Variants in NUP153 observed in about 807,000 individuals in gnomAD.
NUP153 encodes the protein nuclear pore complex protein Nup153.
In NUP153, 27 loss-of-function variants were observed where a neutral mutation model predicts 134.6. The ratio of observed to expected loss-of-function variants is 0.20; its 90% confidence interval spans 0.15 to 0.28. The LOEUF (loss-of-function observed/expected upper bound fraction) is 0.28, where lower values mean the gene tolerates loss of function less well. Among genes scored for constraint, NUP153 ranks in the 10% least tolerant of loss-of-function variants. The probability of loss-of-function intolerance (pLI) is 1.00; values close to 1 mark genes in which losing one functional copy is unlikely to be tolerated. For synonymous variants in NUP153, 640 were observed against 623.5 expected (o/e 1.03, Z -0.40); for missense variants, 1,821 against 1,731.3 (o/e 1.05, Z -0.92).
chr6:17,654,830 T>C (rs1766715504), intron 11 of NUP153, among the ~76,000 whole-genome samples: 2 of 152,278 alleles, frequency 1.3e-5, no homozygotes, highest in South Asian at 2.1e-4. Flanking sequence ...ATGAGGTAGA[T>C]ACTATTGTTA....
chr6:17,659,618 A>G (rs1473071829), intron 11 of NUP153, among the ~76,000 whole-genome samples: 2 of 152,078 alleles, frequency 1.3e-5, no homozygotes, highest in African/African-American at 4.8e-5. Flanking sequence ...GACTACACAC[A>G]TACGCTATCA....
rs747290800 is a variant in NUP153 at position 17,675,644 on chromosome 6, G to A, written c.461C>T (p.Ser154Leu). 52 of 1,614,186 alleles carry A rather than the reference G, an allele frequency of 3.2e-5. No homozygotes were observed. The highest frequency in any genetic ancestry group is 1.2e-4 in the African/African-American group (9 of 75,038). ...TCCCGAACTGCCAATTGGGAATGCC[G>A]AGGATGTAGATGGCTGACAGTGTAA... ...PALHCQPSTS[S>L]AFPIGSSGFS... The change falls in exon 3 of 22, where the codon TCG (serine) becomes TTG (leucine). Residue 154 changes from serine (S) to leucine (L), a missense_variant. By Grantham distance (145) the Ser-to-Leu change is moderately radical. Transcript: ENST00000262077. The surrounding 1 kb of genome is among the most constrained non-coding windows in gnomAD (Gnocchi z 4.4).
At position 17,639,990 on chromosome 6, in the gene NUP153, G is replaced by A. The variant is rs889656957; in HGVS notation, c.1795C>T (p.Pro599Ser). The A allele has an allele frequency of 8.7e-6, 14 of 1,612,530 alleles. No homozygotes were observed. The highest frequency in any genetic ancestry group is 1.2e-5 in the Non-Finnish European group (14 of 1,178,910). The change falls in exon 15 of 22, where the codon CCT becomes TCT. Residue 599 changes from proline (P) to serine (S), a missense_variant. Physicochemically the swap from Pro to Ser is moderately conservative, Grantham distance 74 (BLOSUM62 -1). Coordinates refer to ENST00000262077, the MANE Select transcript of NUP153 (RefSeq NM_005124.4). ...CTTCCTTCTTTCAGGATTTCTGCAG[G>A]TCTAAAAGGACCCTCACAATCTTCA... ...PPEDCEGPFR[P>S]AEILKEGSVL...
intron 5 of NUP153, among the ~76,000 whole-genome samples, chr6:17,670,363 C>A (rs114474650): frequency 0.011 from 1,643 of 152,248 alleles, 32 homozygotes; most frequent in African/African-American, 0.036. Flanking sequence ...ATAAATACAA[C>A]AGACTTTTGT....
intron 20 of NUP153, among the ~76,000 whole-genome samples, chr6:17,620,095 C>CAAAAAAA (rs58013807): frequency 9.5e-5 from 6 of 62,994 alleles, no homozygotes; most frequent in African/African-American, 2.3e-4. Flanking sequence ...AAGACACCAT[C>CAAAAAAA]AAAAAAAAAA....
chr6:17,673,628 G>A (rs555621908), intron 5 of NUP153, among the ~76,000 whole-genome samples: 68 of 152,190 alleles, frequency 4.5e-4, no homozygotes, highest in African/African-American at 1.6e-3. Context: ...TAGTCATTAC[G>A]GAAGTACAAA....
intron 11 of NUP153, among the ~76,000 whole-genome samples, chr6:17,649,656 AC>A (rs1193840399): frequency 6.6e-6 from 1 of 152,224 alleles, no homozygotes; most frequent in Non-Finnish European, 1.5e-5. Context: ...CCCATGGTCA[AC>A]CATGATCCAA....
At position 17,694,245 on chromosome 6, in the gene NUP153, T is replaced by C. The variant is rs1181143775; in HGVS notation, c.112-5627A>G. Among the ~76,000 whole-genome samples, 4 of 152,344 alleles carry C rather than the reference T, an allele frequency of 2.6e-5. No homozygotes were observed. In the East Asian group the frequency reaches 5.8e-4, roughly 22 times the overall value. ...CAGCAAGTATTGATTGAATGAAGAA[T>C]AGTAATGTTTGCCTTTACCTCCATG... On this transcript the variant is annotated intron_variant, in intron 1 of 21. Transcript: ENST00000262077.
intron 16 of NUP153, among the ~76,000 whole-genome samples, chr6:17,635,733 A>G (rs1005961804): frequency 1.5e-4 from 23 of 152,138 alleles, no homozygotes; most frequent in Non-Finnish European, 1.5e-4. Flanking sequence ...TTCCTAATCT[A>G]TCTTCCGGTC....
In NUP153 at chr6:17,628,581, G is replaced by C. The variant is rs1456962982; in HGVS notation, c.3544+74C>G. 9 of 825,296 alleles carry C rather than the reference G, an allele frequency of 1.1e-5. No individual in the cohort carries two copies. Among genetic ancestry groups the C allele is most frequent in the South Asian group, 6.2e-5 (1 of 16,118 alleles). The allele number at this position is 825,296 out of a possible 1,614,324, so 51.1% of individuals were successfully genotyped here. ...AACCATTAATTGACTTGCTGCATCT[G>C]TCAAGGCAACTTGTAAAACGACAAC... On this transcript the variant is annotated intron_variant, in intron 18 of 21. Transcript: ENST00000262077. The surrounding 1 kb of genome is among the most constrained non-coding windows in gnomAD (Gnocchi z 5.4).
In NUP153 at chr6:17,628,942, T is replaced by G; in HGVS notation, c.3257A>C (p.Asn1086Thr). Reference sequence around the variant, plus strand: ...AGATGGCAGAGAGGCAGGCTCCACGTTGCCAAAAGAGAATCCTCCTTTGGT... The same window carrying G: ...AGATGGCAGAGAGGCAGGCTCCACGGTGCCAAAAGAGAATCCTCCTTTGGT... The part of the protein sequence containing the change: ...PATKGGFSFG[N>T]VEPASLPSAS... Residue 1086 changes from asparagine (N) to threonine (T), a missense_variant, in exon 18 of 22, where the codon AAC becomes ACC. Physicochemically the swap from Asn to Thr is moderately conservative, Grantham distance 65. Transcript: ENST00000262077. The surrounding 1 kb of genome is among the most constrained non-coding windows in gnomAD (Gnocchi z 5.4). 1 of 1,614,178 alleles carries G rather than the reference T, an allele frequency of 6.2e-7. No individual in the cohort carries two copies. The highest frequency in any genetic ancestry group is 8.5e-7 in the Non-Finnish European group (1 of 1,180,032).
At chr6:17,685,559 A>C (rs936673602) in intron 2 of NUP153, among the ~76,000 whole-genome samples, 3 of 151,974 alleles carry the variant, frequency 2.0e-5, no homozygotes, top group East Asian at 1.9e-4. Context: ...AAAAAAAAAA[A>C]AAAAAACTGT....
chr6:17,674,855 T>C, intron 5 of NUP153, 50 bp downstream of exon 5: 3 of 1,359,054 alleles, frequency 2.2e-6, no homozygotes, highest in East Asian at 2.5e-5. Context: ...CCAGTTAAAG[T>C]GTAAAAAAAA....
chr6:17,690,635 TTA>T (rs1310922137), intron 1 of NUP153, among the ~76,000 whole-genome samples: 2 of 152,080 alleles, frequency 1.3e-5, no homozygotes, highest in Non-Finnish European at 2.9e-5. Flanking sequence ...AGGCAACAAT[TTA>T]TTTCACGAAG....
intron 1 of NUP153, among the ~76,000 whole-genome samples, chr6:17,695,487 T>C (rs1454665321): frequency 6.6e-6 from 1 of 152,208 alleles, no homozygotes; most frequent in African/African-American, 2.4e-5. Flanking sequence ...ACCATTTTAA[T>C]TAGTATCTTA....
chr6:17,704,834 A>T (rs912239861), intron 1 of NUP153, among the ~76,000 whole-genome samples: 2 of 149,514 alleles, frequency 1.3e-5, no homozygotes, highest in African/African-American at 5.0e-5. Flanking sequence ...ATCTCTGCTC[A>T]CGGCAAGCTC....
intron 12 of NUP153, among the ~76,000 whole-genome samples, 174 bp from the exon 13 acceptor site, chr6:17,648,079 G>A (rs1412250645): frequency 6.6e-6 from 1 of 152,082 alleles, no homozygotes; most frequent in Non-Finnish European, 1.5e-5. Context: ...ATAAAATGTG[G>A]CTTCCTCTAA....
chr6:17,665,433 T>C (rs1767474383), intron 8 of NUP153, 48 bp from the exon 9 acceptor site: 1 of 1,491,814 alleles, frequency 6.7e-7, no homozygotes, highest in East Asian at 2.3e-5. Context: ...TATAAATCAA[T>C]GATTCATATC....
In NUP153 at chr6:17,624,791, G is replaced by A. The variant is rs771566703; in HGVS notation, c.3944C>T (p.Ala1315Val). The A allele has an allele frequency of 1.2e-6, 2 of 1,613,892 alleles. No individual in the cohort carries two copies. Among genetic ancestry groups the A allele is most frequent in the Non-Finnish European group, 1.7e-6 (2 of 1,179,880 alleles). Reference protein sequence around the residue: ...VFGTGPSAPSASPAFGANQTP... With the variant: ...VFGTGPSAPSVSPAFGANQTP... ...CTGGTTAGCACCAAATGCTGGACTG[G>A]CAGATGGTGCTGAGGGTCCAGTTCC... The change falls in exon 20 of 22, where the codon GCC (alanine) becomes GTC (valine). Residue 1315 changes from alanine (A) to valine (V), a missense_variant. Coordinates refer to ENST00000262077, the MANE Select transcript of NUP153 (RefSeq NM_005124.4).
Sources: allele counts gnomAD v4.1 joint callset (sites outside exome capture counted in the v4.1 genomes callset), GRCh38; gene constraint gnomAD v4.1.1; non-coding constraint Gnocchi (gnomAD v3.1); transcripts MANE v1.5; gene names NCBI Gene and HGNC (gene_info 2026-07-23, HGNC 2026-07-21).